The following ATP6V0A4 variants were observed in gnomAD, a reference collection of about 807,000 sequenced individuals.
ATP6V0A4 encodes the protein V-type proton ATPase 116 kDa subunit a 4.
In ATP6V0A4, 86 loss-of-function variants were observed where a neutral mutation model predicts 107.3. That is an observed-to-expected ratio of 0.80 (90% confidence interval 0.67 to 0.96). The LOEUF (loss-of-function observed/expected upper bound fraction) is 0.96. Among genes scored for constraint, ATP6V0A4 ranks in the 40% least tolerant of loss-of-function variants. ATP6V0A4 has a pLI of 0.00. For synonymous variants in ATP6V0A4, 353 were observed against 381.4 expected (o/e 0.93, Z 0.87); for missense variants, 908 against 1,045.6 (o/e 0.87, Z 1.81).
In ATP6V0A4 at chr7:138,709,605, A is replaced by G. The variant is rs1021410852; in HGVS notation, c.2429+19T>C. The G allele has an allele frequency of 6.2e-7, 1 of 1,609,948 alleles. No homozygotes were observed. The highest frequency in any genetic ancestry group is 1.7e-5 in the Admixed American group (1 of 59,938). ...TTTCCCAACACCACATTGAGCTTCC[A>G]GGGGACAACCATCCTTACCAGTGCA... On this transcript the variant is annotated intron_variant, in intron 21 of 21. Coordinates refer to ENST00000310018, the MANE Select transcript of ATP6V0A4 (RefSeq NM_020632.3).
chr7:138,721,028 C>A (rs1283673995), intron 19 of ATP6V0A4, among the ~76,000 whole-genome samples: 3 of 152,158 alleles, frequency 2.0e-5, no homozygotes, highest in Non-Finnish European at 2.9e-5. Flanking sequence ...AGTTCCCACT[C>A]CCAAATTAGA....
chr7:138,764,270 T>C (rs1371878171), intron 5 of ATP6V0A4, among the ~76,000 whole-genome samples: 1 of 151,990 alleles, frequency 6.6e-6, no homozygotes, highest in Non-Finnish European at 1.5e-5. Flanking sequence ...ACAGGTTTTT[T>C]GAATGCCCCT....
At chr7:138,788,874 G>C (rs1056866077) in intron 1 of ATP6V0A4, among the ~76,000 whole-genome samples, 1 of 152,184 alleles carries the variant, frequency 6.6e-6, no homozygotes, top group Non-Finnish European at 1.5e-5. Context: ...CCATGATTGT[G>C]AGTCCTCCCC....
rs1252150038 is a variant in ATP6V0A4 at position 138,798,118 on chromosome 7, C to T, written c.-205G>A. The T allele has an allele frequency of 4.4e-6, 7 of 1,599,758 alleles. No homozygotes were observed. Among genetic ancestry groups the T allele is most frequent in the Non-Finnish European group, 5.1e-6 (6 of 1,173,888 alleles). On this transcript the variant is annotated 5_prime_UTR_variant, in exon 1 of 22. Transcript: ENST00000310018. Reference sequence around the variant, plus strand: ...ACAGCCTCCAGCATGCAGCGCCTCCCCGCTGCCACCCGGGCCACCCTGATC... The same window carrying T: ...ACAGCCTCCAGCATGCAGCGCCTCCTCGCTGCCACCCGGGCCACCCTGATC...
intron 1 of ATP6V0A4, among the ~76,000 whole-genome samples, chr7:138,795,435 C>A (rs1385927049): frequency 1.3e-5 from 2 of 152,168 alleles, no homozygotes; most frequent in African/African-American, 4.8e-5. Flanking sequence ...CAATCCACCA[C>A]TACAATAACC....
chr7:138,763,186 G>GAC lies in ATP6V0A4; in HGVS notation c.292-163_292-162dup, dbSNP rs3832464. 0.022 allele frequency: 5,768 copies of GAC among 262,138 alleles called. 94 individuals carry two copies. Among genetic ancestry groups the GAC allele is most frequent in the Middle Eastern group, 0.052 (31 of 594 alleles). The allele number at this position is 262,138 out of a possible 1,614,324, so 16.2% of individuals were successfully genotyped here. A position where few individuals can be genotyped will look rare whatever the true frequency, so the allele number is the denominator to read the frequency against. ...ACACAGACACACACAGACACACACA[G>GAC]ACACACACACACACACACACACACA... On this transcript the variant is annotated intron_variant, in intron 5 of 21. Coordinates refer to ENST00000310018, the MANE Select transcript of ATP6V0A4 (RefSeq NM_020632.3).
At chr7:138,777,326 A>G (rs1464760872) in intron 2 of ATP6V0A4, among the ~76,000 whole-genome samples, 1 of 151,916 alleles carries the variant, frequency 6.6e-6, no homozygotes, top group Non-Finnish European at 1.5e-5. Flanking sequence ...ATTTTTAAAA[A>G]TATTATGGCC....
At chr7:138,721,447 G>A (rs1019692625) in intron 19 of ATP6V0A4, among the ~76,000 whole-genome samples, 1 of 152,142 alleles carries the variant, frequency 6.6e-6, no homozygotes, top group African/African-American at 2.4e-5. Context: ...GCTGAGGCAG[G>A]AGAATCACTT....
chr7:138,723,820 C>T (rs1216656867), intron 18 of ATP6V0A4, among the ~76,000 whole-genome samples: 1 of 151,976 alleles, frequency 6.6e-6, no homozygotes, highest in Non-Finnish European at 1.5e-5. Context: ...GCCACCACAC[C>T]CAGCCAGGGC....
intron 1 of ATP6V0A4, among the ~76,000 whole-genome samples, chr7:138,793,939 T>A (rs527368123): frequency 2.0e-5 from 3 of 152,258 alleles, no homozygotes; most frequent in Admixed American, 6.5e-5. Flanking sequence ...AATGGTGGAC[T>A]CCAGGACTTC....
chr7:138,731,938 A>AAAT (rs1255111592), intron 17 of ATP6V0A4, among the ~76,000 whole-genome samples: 3 of 149,716 alleles, frequency 2.0e-5, no homozygotes, highest in Non-Finnish European at 4.4e-5. Flanking sequence ...ATAAATAAAT[A>AAAT]AATAAAATAT....
rs75954102 is a variant in ATP6V0A4 at position 138,739,767 on chromosome 7, T to G, written c.1479-134A>C. 11 of 1,430,380 alleles carry G rather than the reference T, an allele frequency of 7.7e-6. 1 individual carries two copies. In the Middle Eastern group the frequency reaches 7.0e-4, roughly 91 times the overall value. 88.6% of individuals were successfully genotyped at this position (1,430,380 alleles called of 1,614,324 possible). The stretch of plus-strand genomic sequence containing the variant: ...ATTCATCACTTTGGTTGGTTCAATA[T>G]CTACTACACATCAAGTATTGTCCTA... On this transcript the variant is annotated intron_variant, in intron 14 of 21. Coordinates refer to ENST00000310018, the MANE Select transcript of ATP6V0A4 (RefSeq NM_020632.3).
chr7:138,745,778 A>G (rs1805893046), intron 13 of ATP6V0A4, among the ~76,000 whole-genome samples: 1 of 147,614 alleles, frequency 6.8e-6, no homozygotes, highest in Non-Finnish European at 1.5e-5. Context: ...ACATGGTGAA[A>G]CCCCGTCTCT....
intron 11 of ATP6V0A4, among the ~76,000 whole-genome samples, chr7:138,752,022 A>G (rs1806254435): frequency 6.6e-6 from 1 of 152,064 alleles, no homozygotes; most frequent in Non-Finnish European, 1.5e-5. Context: ...TTTAATAAGA[A>G]AAAAAAGACA....
chr7:138,754,261 C>T lies in ATP6V0A4; in HGVS notation c.817-1424G>A, dbSNP rs533302408. 1.8e-4 allele frequency among the ~76,000 whole-genome samples: 28 copies of T among 152,014 alleles called. No homozygotes were observed. The East Asian group carries it at 2.5e-3, about 14-fold the overall frequency. On this transcript the variant is annotated intron_variant, in intron 10 of 21. Transcript: ENST00000310018. ...GTCGGGAGTTCGAGACCAGCCTGACCGACATGGAGAAACCCCATCTCTACT... is the reference window on the plus strand; with the variant it reads ...GTCGGGAGTTCGAGACCAGCCTGACTGACATGGAGAAACCCCATCTCTACT...
intron 2 of ATP6V0A4, among the ~76,000 whole-genome samples, chr7:138,784,436 A>G (rs1410070023): frequency 2.0e-5 from 3 of 149,886 alleles, no homozygotes; most frequent in Non-Finnish European, 1.5e-5. Context: ...CTCCTGACTC[A>G]GCCTCCCGAG....
chr7:138,790,304 G>GT (rs1198705887), intron 1 of ATP6V0A4, among the ~76,000 whole-genome samples: 3 of 152,038 alleles, frequency 2.0e-5, no homozygotes, highest in Non-Finnish European at 2.9e-5. Context: ...TGTTGCTGTT[G>GT]TTTTTTTGAG....
rs779266815 is a variant in ATP6V0A4 at position 138,759,761 on chromosome 7, A to T, written c.630T>A (p.Asp210Glu). 6.2e-7 allele frequency: 1 copy of T among 1,614,118 alleles called. No individual in the cohort carries two copies. The highest frequency in any genetic ancestry group is 8.5e-7 in the Non-Finnish European group (1 of 1,180,024). Reference sequence around the variant, plus strand: ...AGCCCAAGGTTCCCACCGTCACAGGATCCTCCAGAGGGGCGTCCATCTCAC... The same window carrying T: ...AGCCCAAGGTTCCCACCGTCACAGGTTCCTCCAGAGGGGCGTCCATCTCAC... ...KFSEMDAPLE[D>E]PVTKEEIQKN... The change falls in exon 8 of 22, where the codon GAT becomes GAA. Residue 210 changes from aspartate to glutamate, a missense_variant. Physicochemically the swap from Asp to Glu is conservative, Grantham distance 45 (BLOSUM62 2). Transcript: ENST00000310018.
At position 138,777,633 on chromosome 7, in the gene ATP6V0A4, T is replaced by TACACAC. The variant is rs1176566807; in HGVS notation, c.-17-6375_-17-6370dup. On this transcript the variant is annotated intron_variant, in intron 2 of 21. Transcript: ENST00000310018. The stretch of plus-strand genomic sequence containing the variant: ...TCCGTCTCAAAAAAAAAAAAAAAAA[T>TACACAC]ACACACACACACACACACACACACA... 1.2e-3 allele frequency among the ~76,000 whole-genome samples: 129 copies of TACACAC among 106,354 alleles called. 1 individual carries two copies. Among genetic ancestry groups the TACACAC allele is most frequent in the African/African-American group, 4.1e-3 (109 of 26,594 alleles). 69.8% of individuals were successfully genotyped at this position (106,354 alleles called of 152,430 possible). A position where few individuals can be genotyped will look rare whatever the true frequency, so the allele number is the denominator to read the frequency against.
Sources: allele counts gnomAD v4.1 joint callset (sites outside exome capture counted in the v4.1 genomes callset), GRCh38; gene constraint gnomAD v4.1.1; transcripts MANE v1.5; gene names NCBI Gene and HGNC (gene_info 2026-07-23, HGNC 2026-07-21).